GLP2R: variants seen among roughly 807,000 people sequenced by gnomAD.
GLP2R encodes the protein glucagon-like peptide 2 receptor.
A neutral mutation model predicts 68.2 loss-of-function variants in GLP2R; 59 were observed. The observed-to-expected ratio is 0.87, with a 90% confidence interval of 0.70 to 1.07. The LOEUF is 1.07. Among genes scored for constraint, GLP2R ranks in the 50% least tolerant of loss-of-function variants. GLP2R has a pLI of 0.00. For missense variants in GLP2R, 548 were observed against 677.4 expected (o/e 0.81, Z 2.12); for synonymous variants, 270 against 265.4 (o/e 1.02, Z -0.17).
At chr17:9,848,207 C>A (rs1567723492) in intron 4 of GLP2R, among the ~76,000 whole-genome samples, 1 of 152,080 alleles carries the variant, frequency 6.6e-6, no homozygotes, top group Non-Finnish European at 1.5e-5. Flanking sequence ...TTTTTCACAT[C>A]AAAGTTGTGC....
rs545299731 is a variant in GLP2R, at chr17:9,866,121, A to G, written c.1056+4031A>G. 8 of 338,798 alleles carry G rather than the reference A, an allele frequency of 2.4e-5. No homozygotes were observed. The East Asian group carries it at 6.1e-4, about 26-fold the overall frequency. 21.0% of individuals were successfully genotyped at this position (338,798 alleles called of 1,614,324 possible). ...TGTCCCACCAGACATGGAAGGGAAA[A>G]GAAAGGCCATGCAGAAAGAAGTGAA... On this transcript the variant is annotated intron_variant, in intron 9 of 12. Transcript: ENST00000262441.
intron 10 of GLP2R, among the ~76,000 whole-genome samples, chr17:9,879,276 TAAAATAAAATAAAATAAATA>T (rs1248224526): frequency 0.011 from 231 of 21,042 alleles, no homozygotes; most frequent in Middle Eastern, 0.024. Flanking sequence ...TAAAATAAAA[TAAAATAAAATAAAATAAATA>T]AAATAAAATA....
intron 10 of GLP2R, among the ~76,000 whole-genome samples, chr17:9,878,463 A>G (rs1052957053): frequency 6.6e-6 from 1 of 152,212 alleles, no homozygotes; most frequent in Non-Finnish European, 1.5e-5. Context: ...AACCCTTGAA[A>G]TGTTCTCTCA....
At chr17:9,870,943 A>G (rs980783522) in intron 10 of GLP2R, 108 bp downstream of exon 10, 4 of 693,030 alleles carry the variant, frequency 5.8e-6, no homozygotes, top group African/African-American at 5.3e-5. Context: ...CCAGGGTATC[A>G]GAAAGAGCAG....
At chr17:9,855,371 C>G (rs1238468120) in intron 5 of GLP2R, among the ~76,000 whole-genome samples, 1 of 152,204 alleles carries the variant, frequency 6.6e-6, no homozygotes, top group African/African-American at 2.4e-5. Context: ...AATTTGAACC[C>G]AAGACTCCTG....
intron 4 of GLP2R, among the ~76,000 whole-genome samples, chr17:9,844,665 ATTCTTTTTTTTT>A (rs2066819942): frequency 1.9e-5 from 1 of 52,950 alleles, no homozygotes; most frequent in Non-Finnish European, 4.4e-5. Context: ...TTACTACCTA[ATTCTTTTTTTTT>A]TTTTTTTTTT....
At chr17:9,877,043 C>G (rs62066051) in intron 10 of GLP2R, among the ~76,000 whole-genome samples, 31,371 of 152,088 alleles carry the variant, frequency 0.21, 4,276 homozygotes, top group Non-Finnish European at 0.31. Flanking sequence ...AAATAATTTG[C>G]CCACAGTCAT....
intron 4 of GLP2R, among the ~76,000 whole-genome samples, chr17:9,851,869 T>C (rs1335278746): frequency 8.6e-5 from 13 of 152,004 alleles, no homozygotes; most frequent in Non-Finnish European, 1.3e-4. Context: ...GTAAGTTGCT[T>C]GGAAAATTCC....
intron 4 of GLP2R, among the ~76,000 whole-genome samples, chr17:9,846,721 A>G (rs1314990693): frequency 6.6e-6 from 1 of 152,200 alleles, no homozygotes; most frequent in Non-Finnish European, 1.5e-5. Flanking sequence ...TATGTTTGAA[A>G]TTTTCATAAT....
At position 9,825,942 on chromosome 17, in the gene GLP2R, G is replaced by A. The variant is rs1331040390; in HGVS notation, c.-122G>A. The A allele has an allele frequency of 2.0e-5, 16 of 798,176 alleles. No individual in the cohort carries two copies. The highest frequency in any genetic ancestry group is 2.7e-5 in the East Asian group (1 of 36,444). The allele number at this position is 798,176 out of a possible 1,614,324, so 49.4% of individuals were successfully genotyped here. On this transcript the variant is annotated 5_prime_UTR_variant, in exon 1 of 13. In the 5' UTR this introduces an upstream ATG that the reference lacks. Coordinates refer to ENST00000262441, the MANE Select transcript of GLP2R (RefSeq NM_004246.3). The stretch of plus-strand genomic sequence containing the variant: ...CCGCCTCAGACACTCTCGGCGCAGC[G>A]TGGAGAGGATTTGTGCAAACATTTC...
chr17:9,846,978 G>C (rs1393464706), intron 4 of GLP2R, among the ~76,000 whole-genome samples: 1 of 152,180 alleles, frequency 6.6e-6, no homozygotes, highest in Non-Finnish European at 1.5e-5. Context: ...TTAACAACAG[G>C]CTCCCTGCTT....
intron 1 of GLP2R, among the ~76,000 whole-genome samples, chr17:9,829,578 T>C (rs1223518810): frequency 1.3e-5 from 2 of 152,202 alleles, no homozygotes; most frequent in Admixed American, 6.5e-5. Context: ...GTTATGTAGC[T>C]GTTAAAAGGA....
rs2067279729 is a variant in GLP2R, at chr17:9,890,205, A to G, written c.*500A>G. 6 of 373,084 alleles carry G rather than the reference A, an allele frequency of 1.6e-5. No individual in the cohort carries two copies. The highest frequency in any genetic ancestry group is 1.2e-4 in the South Asian group (6 of 48,638). 23.1% of individuals were successfully genotyped at this position (373,084 alleles called of 1,614,324 possible). ...CAGGAATTGGAGCTGTTTAATAAGC[A>G]TCCCAGGTAATTCTGCTGCAAGCCC... On this transcript the variant is annotated 3_prime_UTR_variant, in exon 13 of 13. Coordinates refer to ENST00000262441, the MANE Select transcript of GLP2R (RefSeq NM_004246.3).
intron 3 of GLP2R, among the ~76,000 whole-genome samples, chr17:9,838,384 G>A (rs1416342107): frequency 6.6e-6 from 1 of 152,156 alleles, no homozygotes; most frequent in Non-Finnish European, 1.5e-5. Context: ...CGCTTGGTCC[G>A]CGGGAGCTGA....
intron 10 of GLP2R, among the ~76,000 whole-genome samples, chr17:9,875,295 C>T (rs1166488435): frequency 6.6e-6 from 1 of 152,184 alleles, no homozygotes; most frequent in Non-Finnish European, 1.5e-5. Flanking sequence ...TGCCCTCTTC[C>T]ATGTCGGAAA....
chr17:9,829,784 A>G (rs997177444), intron 1 of GLP2R, among the ~76,000 whole-genome samples: 3 of 152,250 alleles, frequency 2.0e-5, no homozygotes, highest in African/African-American at 7.2e-5. Flanking sequence ...CTGAGTAATG[A>G]GATGATAATT....
chr17:9,888,463 T>TA (rs2067262637), intron 12 of GLP2R, among the ~76,000 whole-genome samples: 2 of 152,054 alleles, frequency 1.3e-5, no homozygotes, highest in Non-Finnish European at 2.9e-5. Flanking sequence ...TACATTTTTT[T>TA]AAAAATTATT....
chr17:9,879,335 TAAAATAA>T (rs2067172718), intron 10 of GLP2R, among the ~76,000 whole-genome samples: 1 of 125,578 alleles, frequency 8.0e-6, no homozygotes, highest in African/African-American at 3.1e-5. Context: ...TAAAATAAAA[TAAAATAA>T]AATAATTATC....
At chr17:9,852,853 A>AC in intron 4 of GLP2R, 1 of 381,344 alleles carries the variant, frequency 2.6e-6, no homozygotes. Context: ...AGGAAGTTTT[A>AC]ATTTTTTCTG....
Sources: gnomAD v4.1 joint callset for allele counts (sites outside exome capture counted in the v4.1 genomes callset) on GRCh38, gnomAD v4.1.1 for gene constraint, MANE v1.5 for transcripts, NCBI Gene and HGNC (gene_info 2026-07-23, HGNC 2026-07-21) for gene names.